TGFBRAP1: variants seen among roughly 807,000 people sequenced by gnomAD.
TGFBRAP1 encodes the protein transforming growth factor-beta receptor-associated protein 1.
TGFBRAP1 carries 20 observed loss-of-function variants against 83.2 expected under a neutral mutation model. That is an observed-to-expected ratio of 0.24 (90% CI 0.17 to 0.35). The LOEUF is 0.35. TGFBRAP1 is among the 10% of genes least tolerant of loss of function. The pLI is 1.00. For synonymous variants in TGFBRAP1, 415 were observed against 459.8 expected, an observed-to-expected ratio of 0.90 and a Z score of 1.25; for missense variants, 950 against 1,099.4, an observed-to-expected ratio of 0.86 and a Z score of 1.92.
chr2:105,267,258 G>T lies in TGFBRAP1; in HGVS notation c.*125C>A. 1 of 1,307,732 alleles carries T rather than the reference G, an allele frequency of 7.6e-7. No individual in the cohort carries two copies. Among genetic ancestry groups the T allele is most frequent in the Non-Finnish European group, 1.0e-6 (1 of 964,624 alleles). 81.0% of individuals were successfully genotyped at this position (1,307,732 alleles called of 1,614,324 possible). A position where few individuals can be genotyped will look rare whatever the true frequency, so the allele number is the denominator to read the frequency against. Reference sequence around the variant, plus strand: ...AGTCCTTGTTGCGTATGGACGGAAGGCTCCCTGGCACCCAGATGTCTCCCT... The same window carrying T: ...AGTCCTTGTTGCGTATGGACGGAAGTCTCCCTGGCACCCAGATGTCTCCCT... On this transcript the variant is annotated 3_prime_UTR_variant, in exon 12 of 12. Coordinates refer to ENST00000393359, the MANE Select transcript of TGFBRAP1 (RefSeq NM_004257.6).
intron 2 of TGFBRAP1, among the ~76,000 whole-genome samples, chr2:105,305,088 G>A (rs1046777289): frequency 2.0e-5 from 3 of 152,162 alleles, no homozygotes; most frequent in East Asian, 1.9e-4. Context: ...TGCTAATGAT[G>A]TGCCCCCTGT....
chr2:105,290,165 C>G (rs943462375), intron 4 of TGFBRAP1, among the ~76,000 whole-genome samples: 8 of 152,202 alleles, frequency 5.3e-5, no homozygotes, highest in Admixed American at 5.2e-4. Flanking sequence ...CTCACGGGTT[C>G]AAGTGATTCT....
intron 10 of TGFBRAP1, among the ~76,000 whole-genome samples, chr2:105,271,854 G>A (rs1348442986): frequency 6.6e-6 from 1 of 152,220 alleles, no homozygotes; most frequent in African/African-American, 2.4e-5. Context: ...ATGCAGAGCT[G>A]AGGCCAAAGA....
chr2:105,272,650 T>C (rs781109936), intron 10 of TGFBRAP1, among the ~76,000 whole-genome samples: 1 of 151,982 alleles, frequency 6.6e-6, no homozygotes, highest in Non-Finnish European at 1.5e-5. Context: ...AGCAGGAAGA[T>C]CACTTGAGGC....
At chr2:105,287,907 G>A (rs1677771887) in intron 4 of TGFBRAP1, among the ~76,000 whole-genome samples, 1 of 151,860 alleles carries the variant, frequency 6.6e-6, no homozygotes, top group South Asian at 2.1e-4. Context: ...CAAGCACCTG[G>A]AACAACCACA....
chr2:105,319,690 CAA>C (rs201240011), intron 1 of TGFBRAP1, among the ~76,000 whole-genome samples: 45 of 109,192 alleles, frequency 4.1e-4, no homozygotes, highest in South Asian at 5.6e-4. Flanking sequence ...AAAACTCTCT[CAA>C]AAAAAAAAAA....
chr2:105,303,563 C>T (rs1051780944), intron 2 of TGFBRAP1, among the ~76,000 whole-genome samples: 1 of 152,162 alleles, frequency 6.6e-6, no homozygotes, highest in African/African-American at 2.4e-5. Flanking sequence ...CATACATTTG[C>T]GTCCACGAGT....
intron 7 of TGFBRAP1, 101 bp downstream of exon 7, chr2:105,277,512 CA>C (rs1677389139): frequency 1.2e-6 from 1 of 822,332 alleles, no homozygotes; most frequent in African/African-American, 2.4e-5. Context: ...GTAGATCAGG[CA>C]AAAGTGGTCT....
At chr2:105,261,780 C>G (rs936308112), downstream of TGFBRAP1, among the ~76,000 whole-genome samples, 2 of 151,948 alleles carry the variant, frequency 1.3e-5, no homozygotes, top group Non-Finnish European at 2.9e-5. Flanking sequence ...CAAGGCAAGG[C>G]AAGGCAGAGG....
intron 1 of TGFBRAP1, among the ~76,000 whole-genome samples, chr2:105,316,466 C>T (rs911589003): frequency 0.14 from 9,355 of 66,628 alleles, 338 homozygotes; most frequent in East Asian, 0.22. Flanking sequence ...TGTGTGTGCG[C>T]GCGCGCGCGC....
chr2:105,277,589 C>T, intron 7 of TGFBRAP1, 25 bp downstream of exon 7: 1 of 1,612,780 alleles, frequency 6.2e-7, no homozygotes, highest in Non-Finnish European at 8.5e-7. Context: ...ATTTTTAAAT[C>T]ATGTGGAAAC....
intron 7 of TGFBRAP1, 144 bp downstream of exon 7, chr2:105,277,470 A>C: frequency 4.3e-6 from 3 of 696,190 alleles, no homozygotes; most frequent in Non-Finnish European, 7.3e-6. Context: ...CACTTTCTAA[A>C]ACAGAATCAT....
intron 6 of TGFBRAP1, among the ~76,000 whole-genome samples, chr2:105,279,510 C>T (rs1009891030): frequency 2.0e-5 from 3 of 152,032 alleles, no homozygotes; most frequent in Non-Finnish European, 4.4e-5. Context: ...ATATGCCCAC[C>T]TCAGCTTCCC....
downstream of TGFBRAP1, among the ~76,000 whole-genome samples, chr2:105,260,874 G>C (rs1220034109): frequency 6.6e-6 from 1 of 152,070 alleles, no homozygotes; most frequent in Non-Finnish European, 1.5e-5. Flanking sequence ...TTTGGGGAGG[G>C]CATAAAATTT....
At position 105,293,119 on chromosome 2, in the gene TGFBRAP1, T is replaced by C. The variant is rs527361424; in HGVS notation, c.1038+3237A>G. On this transcript the variant is annotated intron_variant, in intron 4 of 11. Coordinates refer to ENST00000393359, the MANE Select transcript of TGFBRAP1 (RefSeq NM_004257.6). ...GGAATGACGACAATGGTACTGCGGT[T>C]ACATTTCAAAGGGGGCATCCGTGCT... Among the ~76,000 whole-genome samples the C allele has an allele frequency of 1.4e-4, 22 of 152,288 alleles. No individual in the cohort carries two copies. The East Asian group carries it at 3.9e-3, about 27-fold the overall frequency.
chr2:105,288,211 C>T (rs966506180), intron 4 of TGFBRAP1, among the ~76,000 whole-genome samples: 24 of 152,264 alleles, frequency 1.6e-4, no homozygotes, highest in Non-Finnish European at 2.9e-4. Context: ...AATATCACAG[C>T]AGGACACACA....
At position 105,269,810 on chromosome 2, in the gene TGFBRAP1, T is replaced by C; in HGVS notation, c.1973-105A>G. ...GGCTTCAGGAGGGGAAAAGTCAACC[T>C]GGCTCCCTCACAATGCCAAATGCTG... On this transcript the variant is annotated intron_variant, in intron 10 of 11. Coordinates refer to ENST00000393359, the MANE Select transcript of TGFBRAP1 (RefSeq NM_004257.6). The surrounding 1 kb of genome is among the most constrained non-coding windows in gnomAD (Gnocchi z 4.1). 2 of 1,296,694 alleles carry C rather than the reference T, an allele frequency of 1.5e-6. No homozygotes were observed. Among genetic ancestry groups the C allele is most frequent in the Non-Finnish European group, 2.0e-6 (2 of 983,210 alleles). 80.3% of individuals were successfully genotyped at this position (1,296,694 alleles called of 1,614,324 possible). A position where few individuals can be genotyped will look rare whatever the true frequency, so the allele number is the denominator to read the frequency against.
chr2:105,297,065 G>A (rs893797315), intron 3 of TGFBRAP1, among the ~76,000 whole-genome samples: 6 of 151,958 alleles, frequency 3.9e-5, no homozygotes, highest in African/African-American at 1.5e-4. Flanking sequence ...CTGGCCCATG[G>A]TCAACACTGC....
intron 6 of TGFBRAP1, among the ~76,000 whole-genome samples, chr2:105,279,687 A>G (rs1474189231): frequency 6.7e-6 from 1 of 149,502 alleles, no homozygotes; most frequent in East Asian, 1.9e-4. Flanking sequence ...AATTTTACCA[A>G]TAAACATGTG....
Sources: gnomAD v4.1 joint callset for allele counts (sites outside exome capture counted in the v4.1 genomes callset) on GRCh38, gnomAD v4.1.1 for gene constraint, Gnocchi (gnomAD v3.1) non-coding constraint, MANE v1.5 for transcripts, NCBI Gene and HGNC (gene_info 2026-07-23, HGNC 2026-07-21) for gene names.